The following CHST9 variants were observed in gnomAD, a reference collection of about 807,000 sequenced individuals.
CHST9 encodes the protein carbohydrate sulfotransferase 9, also known as GalNAc-4-sulfotransferase 2.
CHST9 carries 41 observed loss-of-function variants against 44.4 expected under a neutral mutation model. The ratio of observed to expected loss-of-function variants is 0.92; its 90% CI spans 0.72 to 1.20. The LOEUF is 1.20. Among genes scored for constraint, CHST9 ranks in the 50% most tolerant of loss-of-function variants. The probability of loss-of-function intolerance (pLI) is 0.00; values close to 1 mark genes in which losing one functional copy is unlikely to be tolerated. For synonymous variants in CHST9, 171 were observed against 178.4 expected (o/e 0.96, Z 0.33); for missense variants, 504 against 516.5 (o/e 0.98, Z 0.23).
At chr18:26,947,189 C>A (rs1216028838) in intron 4 of CHST9, among the ~76,000 whole-genome samples, 1 of 152,074 alleles carries the variant, frequency 6.6e-6, no homozygotes, top group African/African-American at 2.4e-5. Flanking sequence ...TCCTCTCATA[C>A]TTCCTTGAGC....
chr18:26,958,813 A>C (rs918207663), intron 4 of CHST9, among the ~76,000 whole-genome samples: 2 of 152,216 alleles, frequency 1.3e-5, no homozygotes, highest in African/African-American at 4.8e-5. Flanking sequence ...CTAAAAGTCG[A>C]AACAGCACAT....
At chr18:26,980,876 A>G (rs940906070) in intron 4 of CHST9, among the ~76,000 whole-genome samples, 3 of 152,228 alleles carry the variant, frequency 2.0e-5, no homozygotes, top group African/African-American at 4.8e-5. Context: ...AAGCCTAAAT[A>G]TGCTATGTCC....
chr18:27,158,308 T>C (rs575836568), intron 1 of CHST9, among the ~76,000 whole-genome samples: 3 of 146,504 alleles, frequency 2.0e-5, no homozygotes, highest in South Asian at 4.5e-4. Flanking sequence ...CCTGTGTCCA[T>C]GTGTTCTCAT....
At chr18:27,182,084 C>T (rs2058916523) in intron 1 of CHST9, among the ~76,000 whole-genome samples, 1 of 152,072 alleles carries the variant, frequency 6.6e-6, no homozygotes, top group South Asian at 2.1e-4. Context: ...ACACAAATGA[C>T]TTTTTAAATA....
At chr18:26,931,067 TTGA>T (rs2145086044) in intron 5 of CHST9, among the ~76,000 whole-genome samples, 1 of 152,292 alleles carries the variant, frequency 6.6e-6, no homozygotes, top group African/African-American at 2.4e-5. Flanking sequence ...AAGGGGATTG[TTGA>T]TGCATCCAAC....
chr18:27,007,605 TAGA>T (rs1032128139), intron 4 of CHST9, among the ~76,000 whole-genome samples: 2 of 151,890 alleles, frequency 1.3e-5, no homozygotes, highest in Non-Finnish European at 1.5e-5. Context: ...AAAATTCCAA[TAGA>T]AGAACAAAAC....
At chr18:26,990,215 T>TG (rs2056800514) in intron 4 of CHST9, among the ~76,000 whole-genome samples, 1 of 152,066 alleles carries the variant, frequency 6.6e-6, no homozygotes, top group Non-Finnish European at 1.5e-5. Context: ...ATTGTGACAG[T>TG]GATTGGGGTG....
intron 4 of CHST9, among the ~76,000 whole-genome samples, chr18:27,005,154 G>C (rs1035086707): frequency 6.6e-6 from 1 of 152,126 alleles, no homozygotes; most frequent in Non-Finnish European, 1.5e-5. Flanking sequence ...TTAGCGACTC[G>C]TGTGATATGG....
At position 26,947,575 on chromosome 18, in the gene CHST9, A is replaced by T. The variant is rs149950118; in HGVS notation, c.203-3209T>A. On this transcript the variant is annotated intron_variant, in intron 4 of 5. Transcript: ENST00000618847. ...AATTTATAAGAAAAAAACAAACCCCATCAAAAAGTGGGCAAAGGATATGAA... is the reference window on the plus strand; with the variant it reads ...AATTTATAAGAAAAAAACAAACCCCTTCAAAAAGTGGGCAAAGGATATGAA... Among the ~76,000 whole-genome samples, 972 of 152,330 alleles carry T rather than the reference A, an allele frequency of 6.4e-3. 12 individuals carry two copies. The highest frequency in any genetic ancestry group is 0.022 in the African/African-American group (934 of 41,568).
chr18:26,976,638 C>A (rs925783758), intron 4 of CHST9, among the ~76,000 whole-genome samples: 3 of 152,108 alleles, frequency 2.0e-5, no homozygotes, highest in African/African-American at 7.2e-5. Context: ...GACTAAGTCT[C>A]TTGAATGCTT....
intron 2 of CHST9, among the ~76,000 whole-genome samples, chr18:27,090,755 T>C (rs1317084827): frequency 1.3e-5 from 2 of 152,218 alleles, no homozygotes; most frequent in Non-Finnish European, 2.9e-5. Context: ...CAGATGGTTG[T>C]AGATGTGTGG....
At chr18:27,010,072 C>T (rs1212075869) in intron 4 of CHST9, among the ~76,000 whole-genome samples, 2 of 152,192 alleles carry the variant, frequency 1.3e-5, no homozygotes, top group African/African-American at 4.8e-5. Flanking sequence ...ATTTCTAATT[C>T]TACTAGGTTC....
intron 2 of CHST9, among the ~76,000 whole-genome samples, chr18:27,108,922 T>C (rs1052058623): frequency 3.9e-5 from 6 of 152,250 alleles, no homozygotes; most frequent in Non-Finnish European, 7.3e-5. Flanking sequence ...AAATATCTTT[T>C]AAAATTTGCT....
intron 2 of CHST9, among the ~76,000 whole-genome samples, chr18:27,074,874 T>C (rs2057884567): frequency 6.8e-6 from 1 of 147,990 alleles, no homozygotes; most frequent in African/African-American, 2.4e-5. Context: ...TTTATGTATA[T>C]CTATATATCT....
At chr18:26,973,077 G>A (rs1375438350) in intron 4 of CHST9, among the ~76,000 whole-genome samples, 2 of 152,066 alleles carry the variant, frequency 1.3e-5, no homozygotes, top group Non-Finnish European at 2.9e-5. Context: ...TCATGTCTTA[G>A]CTCAAATGTC....
intron 1 of CHST9, among the ~76,000 whole-genome samples, chr18:27,172,731 G>A (rs1033954259): frequency 2.6e-5 from 4 of 151,844 alleles, no homozygotes; most frequent in Non-Finnish European, 4.4e-5. Flanking sequence ...TCAGAAACTC[G>A]AAACTCTCCC....
chr18:27,118,219 A>T (rs2058345477), intron 2 of CHST9, among the ~76,000 whole-genome samples: 1 of 152,112 alleles, frequency 6.6e-6, no homozygotes, highest in Non-Finnish European at 1.5e-5. Context: ...TCTTTTGCCC[A>T]TTTATTTTTA....
intron 2 of CHST9, among the ~76,000 whole-genome samples, chr18:27,120,689 C>A (rs1470345638): frequency 6.6e-6 from 1 of 152,182 alleles, no homozygotes; most frequent in Non-Finnish European, 1.5e-5. Flanking sequence ...CTCTGTGACT[C>A]AGTTTCCTCA....
intron 2 of CHST9, among the ~76,000 whole-genome samples, chr18:27,128,321 C>G (rs28675069): frequency 0.011 from 1,605 of 152,190 alleles, 24 homozygotes; most frequent in African/African-American, 0.033. Context: ...CCAGGCTGGA[C>G]TGCAGTGGCG....
Sources: gnomAD v4.1 joint callset for allele counts (sites outside exome capture counted in the v4.1 genomes callset) on GRCh38, gnomAD v4.1.1 for gene constraint, MANE v1.5 for transcripts, NCBI Gene and HGNC (gene_info 2026-07-23, HGNC 2026-07-21) for gene names.